Variants in PRKN observed in about 807,000 individuals in gnomAD.
PRKN encodes the protein E3 ubiquitin-protein ligase parkin.
In PRKN, 56 loss-of-function variants were observed where a neutral mutation model predicts 59.5. The ratio of observed to expected loss-of-function variants is 0.94; its 90% CI spans 0.76 to 1.18. The LOEUF is 1.18. Among genes scored for constraint, PRKN ranks in the 50% most tolerant of loss-of-function variants. The probability of loss-of-function intolerance (pLI) is 0.00; values close to 1 mark genes in which losing one functional copy is unlikely to be tolerated. For synonymous variants in PRKN, 250 were observed against 222.1 expected, an observed-to-expected ratio of 1.13 and a Z score of -1.12; for missense variants, 657 against 596.4, an observed-to-expected ratio of 1.10 and a Z score of -1.06.
chr6:162,553,236 G>A (rs1290010501), intron 1 of PRKN, among the ~76,000 whole-genome samples: 3 of 152,120 alleles, frequency 2.0e-5, no homozygotes, highest in Admixed American at 2.0e-4. Flanking sequence ...AGCACAAGTG[G>A]AGGCCTTTGC....
At chr6:162,236,854 GAAGGA>G (rs1778751339) in intron 3 of PRKN, among the ~76,000 whole-genome samples, 1 of 150,782 alleles carries the variant, frequency 6.6e-6, no homozygotes, top group African/African-American at 2.4e-5. Context: ...GGAGAGGAAG[GAAGGA>G]AAGAGAGAGA....
intron 2 of PRKN, among the ~76,000 whole-genome samples, chr6:162,427,276 T>C (rs758228695): frequency 5.9e-5 from 9 of 152,192 alleles, no homozygotes; most frequent in Admixed American, 2.0e-4. Flanking sequence ...TATCTATTAA[T>C]AGTAAAGCTG....
chr6:161,556,968 T>C (rs951771692), intron 8 of PRKN, among the ~76,000 whole-genome samples: 1 of 152,222 alleles, frequency 6.6e-6, no homozygotes. Flanking sequence ...TTTCTAGATA[T>C]GCTTTCATAA....
chr6:161,355,325 CT>C lies in PRKN; in HGVS notation c.1285+4762del, dbSNP rs1392101820. Among the ~76,000 whole-genome samples, 1 of 152,194 alleles carries C rather than the reference CT, an allele frequency of 6.6e-6. No individual in the cohort carries two copies. The highest frequency in any genetic ancestry group is 2.4e-5 in the African/African-American group (1 of 41,440). ...TCTGTGTGCCCTGATAGCTTGCTTC[CT>C]CTATGTTATTTTATTAAAAAGATCG... On this transcript the variant is annotated intron_variant, in intron 11 of 11. Coordinates refer to ENST00000366898, the MANE Select transcript of PRKN (RefSeq NM_004562.3). This position sits in a 1 kb window ranked among gnomAD's most constrained non-coding sequence, Gnocchi z 6.8.
intron 2 of PRKN, among the ~76,000 whole-genome samples, chr6:162,313,879 G>A (rs776396670): frequency 2.4e-4 from 37 of 152,130 alleles, no homozygotes; most frequent in African/African-American, 1.7e-4. Context: ...TGCTGTGAAC[G>A]TGGGTATGTA....
At chr6:162,188,462 G>A (rs1194532513) in intron 4 of PRKN, among the ~76,000 whole-genome samples, 1 of 152,104 alleles carries the variant, frequency 6.6e-6, no homozygotes, top group Admixed American at 6.6e-5. Context: ...TGTACACTCT[G>A]CCTTTTCCTT....
chr6:161,706,927 G>C (rs1005169478), intron 7 of PRKN, among the ~76,000 whole-genome samples: 7 of 152,158 alleles, frequency 4.6e-5, no homozygotes, highest in Non-Finnish European at 1.0e-4. Context: ...TTTTAATGCT[G>C]TTTAACAATA....
At position 162,060,278 on chromosome 6, in the gene PRKN, C is replaced by T. The variant is rs140957752; in HGVS notation, c.535-6104G>A. ...CTTAGTGCTGTTGACCTGAGAATTC[C>T]GAGAAGACGGTGATAGAGAAGCAGC... On this transcript the variant is annotated intron_variant, in intron 4 of 11. Transcript: ENST00000366898. Among the ~76,000 whole-genome samples, 618 of 152,196 alleles carry T rather than the reference C, an allele frequency of 4.1e-3. 4 individuals carry two copies. Among genetic ancestry groups the T allele is most frequent in the African/African-American group, 0.014 (578 of 41,520 alleles).
Position 161,460,948 on chromosome 6 carries a change from G to A in PRKN, c.1084-74071C>T, listed in dbSNP as rs932964355. ...TTTCTTTTTTTTTTTTAGCAGAGAC[G>A]GGGTTTCACCATGTTGGCCAGGATG... On this transcript the variant is annotated intron_variant, in intron 9 of 11. Transcript: ENST00000366898. The surrounding 1 kb of genome is among the most constrained non-coding windows in gnomAD (Gnocchi z 5.0). Among the ~76,000 whole-genome samples, 19 of 151,246 alleles carry A rather than the reference G, an allele frequency of 1.3e-4. No individual in the cohort carries two copies. Among genetic ancestry groups the A allele is most frequent in the Non-Finnish European group, 2.5e-4 (17 of 67,860 alleles).
chr6:162,333,874 A>G (rs1232632958), intron 2 of PRKN, among the ~76,000 whole-genome samples: 2 of 152,184 alleles, frequency 1.3e-5, no homozygotes, highest in Non-Finnish European at 2.9e-5. Flanking sequence ...ATGCTAAGAA[A>G]ACTTCATGAA....
intron 5 of PRKN, among the ~76,000 whole-genome samples, chr6:162,002,031 G>C (rs1782079146): frequency 1.3e-5 from 2 of 151,758 alleles, no homozygotes; most frequent in Middle Eastern, 3.4e-3. Flanking sequence ...TTGGCTGCAT[G>C]TTATAATTTT....
At chr6:161,874,316 A>G (rs1158652922) in intron 6 of PRKN, among the ~76,000 whole-genome samples, 28 of 71,860 alleles carry the variant, frequency 3.9e-4, no homozygotes, top group Admixed American at 5.0e-4. Context: ...TATTATATAT[A>G]AAATATATAT....
intron 6 of PRKN, among the ~76,000 whole-genome samples, chr6:161,852,880 C>T (rs565211703): frequency 4.6e-5 from 7 of 152,076 alleles, no homozygotes; most frequent in Non-Finnish European, 8.8e-5. Flanking sequence ...GAGTGAGCAC[C>T]GCGTGGGCCT....
At chr6:162,077,261 G>C (rs1778866176) in intron 4 of PRKN, among the ~76,000 whole-genome samples, 1 of 152,102 alleles carries the variant, frequency 6.6e-6, no homozygotes, top group Non-Finnish European at 1.5e-5. Context: ...TGTTGTCCAT[G>C]TTTACAGCCT....
At chr6:162,528,371 A>G (rs1000448359) in intron 1 of PRKN, among the ~76,000 whole-genome samples, 3 of 152,028 alleles carry the variant, frequency 2.0e-5, no homozygotes, top group African/African-American at 7.2e-5. Flanking sequence ...AGTACAAGGC[A>G]GGACTCAAGA....
intron 6 of PRKN, among the ~76,000 whole-genome samples, chr6:161,893,293 G>A (rs1361563544): frequency 6.6e-6 from 1 of 152,206 alleles, no homozygotes; most frequent in African/African-American, 2.4e-5. Context: ...TGAAAGTAGA[G>A]GGGTACCATA....
chr6:161,440,763 G>A lies in PRKN; in HGVS notation c.1084-53886C>T, dbSNP rs1462044087. 6.6e-6 allele frequency among the ~76,000 whole-genome samples: 1 copy of A among 152,136 alleles called. No individual in the cohort carries two copies. ...CACCTGAAGGTCCTGAGAGCTCCCTGACATCATTCAGGACTGAAGGTAGAA... is the reference window on the plus strand; with the variant it reads ...CACCTGAAGGTCCTGAGAGCTCCCTAACATCATTCAGGACTGAAGGTAGAA... On this transcript the variant is annotated intron_variant, in intron 9 of 11. Coordinates refer to ENST00000366898, the MANE Select transcript of PRKN (RefSeq NM_004562.3). This position sits in a 1 kb window ranked among gnomAD's most constrained non-coding sequence, Gnocchi z 4.1.
Position 161,551,154 on chromosome 6 carries a change from G to A in PRKN, c.934-2151C>T, listed in dbSNP as rs6910938. 0.55 allele frequency among the ~76,000 whole-genome samples: 83,882 copies of A among 151,982 alleles called. 23,389 individuals are homozygous for A. The highest frequency in any genetic ancestry group is 0.66 in the East Asian group (3,421 of 5,172). On this transcript the variant is annotated intron_variant, in intron 8 of 11. Transcript: ENST00000366898. This position sits in a 1 kb window ranked among gnomAD's most constrained non-coding sequence, Gnocchi z 5.2. The stretch of plus-strand genomic sequence containing the variant: ...AGGATACAATGAAGATATTTCATCA[G>A]GTAATGAATGATGAGACAGTTTATG...
Position 161,988,753 on chromosome 6 carries a change from A to C in PRKN, c.619-15336T>G, listed in dbSNP as rs533338159. On this transcript the variant is annotated intron_variant, in intron 5 of 11. Transcript: ENST00000366898. ...TCATAAACACAGAGAAGCGGAACCCAAAAAAAAATTGCAGAAAAGATCTTC... is the reference window on the plus strand; with the variant it reads ...TCATAAACACAGAGAAGCGGAACCCCAAAAAAAATTGCAGAAAAGATCTTC... Among the ~76,000 whole-genome samples, 16 of 151,134 alleles carry C rather than the reference A, an allele frequency of 1.1e-4. No homozygotes were observed. The South Asian group carries it at 2.9e-3, about 28-fold the overall frequency.
Sources: gnomAD v4.1 joint callset for allele counts (sites outside exome capture counted in the v4.1 genomes callset) on GRCh38, gnomAD v4.1.1 for gene constraint, Gnocchi (gnomAD v3.1) non-coding constraint, MANE v1.5 for transcripts, NCBI Gene and HGNC (gene_info 2026-07-23, HGNC 2026-07-21) for gene names.